SH3RF2: variants seen among roughly 807,000 people sequenced by gnomAD.
SH3RF2 encodes the protein SH3 domain containing ring finger 2.
A neutral mutation model predicts 59.0 loss-of-function variants in SH3RF2; 43 were observed. That is an observed-to-expected ratio of 0.73 (90% CI 0.57 to 0.94). The LOEUF (loss-of-function observed/expected upper bound fraction) is 0.94. SH3RF2 is among the 40% of genes least tolerant of loss of function. The pLI is 0.00. For synonymous variants in SH3RF2, 391 were observed against 391.5 expected, an observed-to-expected ratio of 1.00 and a Z score of 0.01; for missense variants, 930 against 940.1, an observed-to-expected ratio of 0.99 and a Z score of 0.14.
chr5:146,029,213 G>C (rs1253872988), intron 5 of SH3RF2, among the ~76,000 whole-genome samples: 1 of 152,202 alleles, frequency 6.6e-6, no homozygotes, highest in Non-Finnish European at 1.5e-5. Flanking sequence ...CTGAGACTCA[G>C]AGAGGCTAAG....
intron 5 of SH3RF2, among the ~76,000 whole-genome samples, chr5:146,020,259 G>A (rs796612865): frequency 2.0e-5 from 3 of 152,254 alleles, no homozygotes; most frequent in African/African-American, 7.2e-5. Context: ...TCTGGCTACA[G>A]TTCACTTCCT....
At chr5:145,997,959 G>T in intron 2 of SH3RF2, 1 of 782,144 alleles carries the variant, frequency 1.3e-6, no homozygotes, top group Non-Finnish European at 2.4e-6. Context: ...CAAGTTCATG[G>T]ATCACAGGTG....
chr5:145,996,788 C>T (rs927322610), intron 2 of SH3RF2, among the ~76,000 whole-genome samples: 1 of 152,164 alleles, frequency 6.6e-6, no homozygotes, highest in Non-Finnish European at 1.5e-5. Flanking sequence ...GGGGTTCCAG[C>T]ATCAGGTAAT....
chr5:146,032,983 G>C (rs1490561691), intron 5 of SH3RF2, among the ~76,000 whole-genome samples: 1 of 152,142 alleles, frequency 6.6e-6, no homozygotes, highest in Non-Finnish European at 1.5e-5. Context: ...CTGTAGTTAG[G>C]GCTGAGAGGA....
At chr5:145,997,469 G>C in intron 2 of SH3RF2, 1 of 1,549,132 alleles carries the variant, frequency 6.5e-7, no homozygotes, top group Non-Finnish European at 8.9e-7. Context: ...TGAAAAATGG[G>C]ATAATGGATA....
At chr5:146,029,353 G>T (rs766680126) in intron 5 of SH3RF2, among the ~76,000 whole-genome samples, 2 of 152,160 alleles carry the variant, frequency 1.3e-5, no homozygotes, top group African/African-American at 2.4e-5. Context: ...TAACTCAATT[G>T]TCCCCAGAGA....
intron 2 of SH3RF2, among the ~76,000 whole-genome samples, chr5:145,969,548 G>C (rs1677823573): frequency 6.6e-6 from 1 of 152,014 alleles, no homozygotes. Context: ...AACAGCTACA[G>C]ACATTAGAGG....
rs1561769786 is a variant in SH3RF2, at chr5:146,059,962, T to C, written c.1652T>C (p.Phe551Ser). The C allele has an allele frequency of 1.9e-6, 3 of 1,560,974 alleles. No individual in the cohort carries two copies. The highest frequency in any genetic ancestry group is 2.4e-5 in the South Asian group (2 of 81,972). ...ACCATGGTCCTTCGGCCTCAGCAGT[T>C]CCAATTCTACCAGCCACAGGGGATC... ...SPTMVLRPQQ[F>S]QFYQPQGIPS... The change falls in exon 9 of 10, where the codon TTC (phenylalanine) becomes TCC (serine). Residue 551 changes from phenylalanine (F) to serine (S), a missense_variant. Phe to Ser is a radical substitution (Grantham distance 155). Transcript: ENST00000359120.
chr5:146,039,009 A>G (rs1310021677), intron 5 of SH3RF2, among the ~76,000 whole-genome samples: 2 of 152,232 alleles, frequency 1.3e-5, no homozygotes, highest in African/African-American at 4.8e-5. Flanking sequence ...CTAGAAACAG[A>G]CACAGCATAG....
intron 5 of SH3RF2, among the ~76,000 whole-genome samples, chr5:146,031,062 G>T (rs768254477): frequency 1.3e-5 from 2 of 152,168 alleles, no homozygotes; most frequent in Non-Finnish European, 2.9e-5. Context: ...CACTTCTGAG[G>T]TCCCTAATGC....
intron 2 of SH3RF2, among the ~76,000 whole-genome samples, chr5:145,958,775 G>A (rs886128308): frequency 1.5e-4 from 23 of 152,068 alleles, no homozygotes; most frequent in Admixed American, 9.2e-4. Flanking sequence ...CTTCTTGCCC[G>A]GGCCATTGTA....
intron 2 of SH3RF2, among the ~76,000 whole-genome samples, chr5:145,968,945 A>T (rs1436816912): frequency 6.6e-6 from 1 of 152,224 alleles, no homozygotes; most frequent in Non-Finnish European, 1.5e-5. Context: ...TAGTGTCTAG[A>T]TCTCTGTATA....
Position 146,056,005 on chromosome 5 carries a change from C to G in SH3RF2, c.1347C>G (p.Ser449=). 6.2e-7 allele frequency: 1 copy of G among 1,614,092 alleles called. No homozygotes were observed. The highest frequency in any genetic ancestry group is 1.1e-5 in the South Asian group (1 of 91,048). The stretch of plus-strand genomic sequence containing the variant: ...GAAAGACCTCTAGTTTTCCAGACTC[C>G]CGGAGCCCTGGTCTCTACACCACAT... ...IFRKTSSFPD[S]RSPGLYTTWT... Residue 449 remains serine (S), a synonymous_variant, in exon 8 of 10, where the codon TCC becomes TCG. Coordinates refer to ENST00000359120, the MANE Select transcript of SH3RF2 (RefSeq NM_152550.4).
At chr5:146,006,509 T>C (rs192658718) in intron 4 of SH3RF2, among the ~76,000 whole-genome samples, 16 of 152,324 alleles carry the variant, frequency 1.1e-4, no homozygotes, top group African/African-American at 3.1e-4. Context: ...AAATGCCACT[T>C]ATGCCAAGAT....
intron 2 of SH3RF2, among the ~76,000 whole-genome samples, chr5:145,993,079 A>T (rs569093819): frequency 2.5e-4 from 38 of 152,272 alleles, no homozygotes; most frequent in African/African-American, 8.4e-4. Context: ...TGGGAGAAAT[A>T]GGCCAGAACA....
intron 7 of SH3RF2, among the ~76,000 whole-genome samples, chr5:146,050,835 T>A (rs1346552796): frequency 6.6e-6 from 1 of 152,086 alleles, no homozygotes; most frequent in Non-Finnish European, 1.5e-5. Flanking sequence ...TTTAGATAGG[T>A]TGGTGAGGGA....
At chr5:145,991,212 C>A (rs1400384339) in intron 2 of SH3RF2, among the ~76,000 whole-genome samples, 2 of 152,186 alleles carry the variant, frequency 1.3e-5, no homozygotes, top group African/African-American at 4.8e-5. Flanking sequence ...AATCTTGGAT[C>A]TGCCAATACA....
intron 5 of SH3RF2, among the ~76,000 whole-genome samples, chr5:146,028,209 C>CAG (rs1554117631): frequency 1.3e-3 from 162 of 129,068 alleles, no homozygotes; most frequent in African/African-American, 3.9e-3. Context: ...CACACACACA[C>CAG]AGAGATAATT....
chr5:145,954,738 C>T, intron 2 of SH3RF2, among the ~76,000 whole-genome samples: 1 of 152,150 alleles, frequency 6.6e-6, no homozygotes, highest in Non-Finnish European at 1.5e-5. Flanking sequence ...TTAATTGGCT[C>T]ATGGTTCTGC....
Sources: allele counts gnomAD v4.1 joint callset (sites outside exome capture counted in the v4.1 genomes callset), GRCh38; gene constraint gnomAD v4.1.1; transcripts MANE v1.5; gene names NCBI Gene and HGNC (gene_info 2026-07-23, HGNC 2026-07-21).